NRG2: variants seen among roughly 807,000 people sequenced by gnomAD.
NRG2 encodes neuregulin 2.
A neutral mutation model predicts 73.9 loss-of-function variants in NRG2; 27 were observed. The ratio of observed to expected loss-of-function variants is 0.37; its 90% confidence interval spans 0.27 to 0.50. The LOEUF is 0.50. Ranked by LOEUF, NRG2 falls within the 20% of genes least tolerant of loss-of-function variation. NRG2 has a pLI of 0.96. For missense variants in NRG2, 1,126 were observed against 1,210.1 expected (o/e 0.93, Z 1.03); for synonymous variants, 532 against 541.0 (o/e 0.98, Z 0.23).
intron 1 of NRG2, among the ~76,000 whole-genome samples, chr5:139,899,175 CTGACA>C (rs2127163196): frequency 6.6e-6 from 1 of 152,382 alleles, no homozygotes; most frequent in South Asian, 2.1e-4. Context: ...ACCTATGGAA[CTGACA>C]GGCCCTCTAC....
chr5:140,018,680 G>C (rs1451918455), intron 1 of NRG2, among the ~76,000 whole-genome samples: 9 of 152,142 alleles, frequency 5.9e-5, no homozygotes, highest in Non-Finnish European at 8.8e-5. Context: ...GACAACAAGC[G>C]CATGCCAAGG....
intron 1 of NRG2, among the ~76,000 whole-genome samples, chr5:140,005,143 G>C (rs1758790053): frequency 6.6e-6 from 1 of 152,128 alleles, no homozygotes; most frequent in African/African-American, 2.4e-5. Context: ...ATTAGGTCTT[G>C]AACTCCCTGG....
chr5:140,037,136 T>C (rs1761563685), intron 1 of NRG2, among the ~76,000 whole-genome samples: 1 of 152,234 alleles, frequency 6.6e-6, no homozygotes, highest in African/African-American at 2.4e-5. Context: ...CTGCGGTCTC[T>C]GTCTTCTGAA....
At chr5:139,930,046 G>T (rs948416898) in intron 1 of NRG2, among the ~76,000 whole-genome samples, 3 of 152,194 alleles carry the variant, frequency 2.0e-5, no homozygotes, top group Admixed American at 2.0e-4. Context: ...TTCAGAGGGG[G>T]CTTCTGTACC....
chr5:139,978,852 T>C (rs1421949261), intron 1 of NRG2, among the ~76,000 whole-genome samples: 1 of 151,790 alleles, frequency 6.6e-6, no homozygotes, highest in Non-Finnish European at 1.5e-5. Flanking sequence ...CCATCAATGA[T>C]AGACTGGATT....
chr5:139,951,142 G>A (rs1318441354), intron 1 of NRG2, among the ~76,000 whole-genome samples: 1 of 152,214 alleles, frequency 6.6e-6, no homozygotes, highest in African/African-American at 2.4e-5. Flanking sequence ...CCTAATGTGG[G>A]CCAAGCCCTG....
intron 1 of NRG2, among the ~76,000 whole-genome samples, chr5:139,962,429 T>C (rs1172298893): frequency 6.6e-6 from 1 of 152,162 alleles, no homozygotes; most frequent in African/African-American, 2.4e-5. Flanking sequence ...GAGAACATTC[T>C]AGGCAGGGGG....
intron 1 of NRG2, among the ~76,000 whole-genome samples, chr5:140,035,548 T>C (rs1187505541): frequency 6.6e-6 from 1 of 152,226 alleles, no homozygotes; most frequent in Admixed American, 6.5e-5. Flanking sequence ...GAAAGTTATT[T>C]TTGTAATAAA....
At chr5:139,885,698 G>A (rs545389646) in intron 2 of NRG2, among the ~76,000 whole-genome samples, 1 of 152,118 alleles carries the variant, frequency 6.6e-6, no homozygotes, top group South Asian at 2.1e-4. Context: ...GTGGTACCAG[G>A]GCTCTGTGGG....
intron 1 of NRG2, among the ~76,000 whole-genome samples, chr5:140,028,917 G>A (rs1209508773): frequency 1.3e-5 from 2 of 152,056 alleles, no homozygotes; most frequent in East Asian, 3.9e-4. Flanking sequence ...GCCTAGCCAT[G>A]GTACTGTGAG....
rs1444990262 is a variant in NRG2 at position 139,852,022 on chromosome 5, C to T, written c.1545-191G>A. Reference sequence around the variant, plus strand: ...ATATTGGAAGAAGGAGGGCTGGGGTCCCATAGATGGGTGAGCTGTAATGTG... The same window carrying T: ...ATATTGGAAGAAGGAGGGCTGGGGTTCCATAGATGGGTGAGCTGTAATGTG... On this transcript the variant is annotated intron_variant, in intron 8 of 9. Transcript: ENST00000361474. The surrounding 1 kb of genome is among the most constrained non-coding windows in gnomAD (Gnocchi z 4.4). Among the ~76,000 whole-genome samples, 1 of 152,188 alleles carries T rather than the reference C, an allele frequency of 6.6e-6. No individual in the cohort carries two copies. Among genetic ancestry groups the T allele is most frequent in the Non-Finnish European group, 1.5e-5 (1 of 68,034 alleles).
At chr5:139,921,335 C>A (rs1477505079) in intron 1 of NRG2, among the ~76,000 whole-genome samples, 2 of 152,214 alleles carry the variant, frequency 1.3e-5, no homozygotes, top group Non-Finnish European at 2.9e-5. Flanking sequence ...CACTGCCTGA[C>A]TTTGAGGCTT....
intron 1 of NRG2, among the ~76,000 whole-genome samples, chr5:139,933,637 A>G (rs1000341768): frequency 6.6e-6 from 1 of 152,198 alleles, no homozygotes; most frequent in Non-Finnish European, 1.5e-5. Flanking sequence ...AAAACCCACA[A>G]TCAAAGCTGG....
At chr5:140,037,725 T>C (rs1009367710) in intron 1 of NRG2, among the ~76,000 whole-genome samples, 1 of 151,926 alleles carries the variant, frequency 6.6e-6, no homozygotes. Flanking sequence ...CAGGCCAAGA[T>C]GGTGAAAACC....
intron 4 of NRG2, among the ~76,000 whole-genome samples, chr5:139,867,416 C>A (rs962308477): frequency 6.6e-6 from 1 of 152,034 alleles, no homozygotes; most frequent in African/African-American, 2.4e-5. Context: ...TCTTACTGAA[C>A]AGGGTGGTTT....
intron 1 of NRG2, among the ~76,000 whole-genome samples, chr5:140,010,746 C>T (rs1349886976): frequency 2.0e-5 from 3 of 152,186 alleles, no homozygotes; most frequent in Non-Finnish European, 4.4e-5. Context: ...CCCTCCCATC[C>T]ACAAGGGACA....
chr5:139,979,601 T>G (rs931940662), intron 1 of NRG2, among the ~76,000 whole-genome samples: 1 of 152,256 alleles, frequency 6.6e-6, no homozygotes, highest in African/African-American at 2.4e-5. Context: ...ATAAAAAGAC[T>G]GGCTTCCATT....
rs1432399239 is a variant in NRG2 at position 139,870,727 on chromosome 5, C to T, written c.1112+994G>A. ...TTATTAACTAGGCCCCCCTCCCACTCCTCTCCTAGATCTGTCTGGAGCCTA... is the reference window on the plus strand; with the variant it reads ...TTATTAACTAGGCCCCCCTCCCACTTCTCTCCTAGATCTGTCTGGAGCCTA... On this transcript the variant is annotated intron_variant, in intron 4 of 9. Coordinates refer to ENST00000361474, the MANE Select transcript of NRG2 (RefSeq NM_004883.3). This position sits in a 1 kb window ranked among gnomAD's most constrained non-coding sequence, Gnocchi z 4.4. Among the ~76,000 whole-genome samples, 1 of 152,206 alleles carries T rather than the reference C, an allele frequency of 6.6e-6. No homozygotes were observed. Among genetic ancestry groups the T allele is most frequent in the African/African-American group, 2.4e-5 (1 of 41,458 alleles).
chr5:139,927,167 G>A (rs1387227992), intron 1 of NRG2, among the ~76,000 whole-genome samples: 1 of 152,186 alleles, frequency 6.6e-6, no homozygotes, highest in Non-Finnish European at 1.5e-5. Flanking sequence ...CCTGCTCTAA[G>A]AGGCCAAGAA....
Sources: gnomAD v4.1 joint callset for allele counts (sites outside exome capture counted in the v4.1 genomes callset) on GRCh38, gnomAD v4.1.1 for gene constraint, Gnocchi (gnomAD v3.1) non-coding constraint, MANE v1.5 for transcripts, NCBI Gene and HGNC (gene_info 2026-07-23, HGNC 2026-07-21) for gene names.